The following SLC39A10 variants were observed in gnomAD, a reference collection of about 807,000 sequenced individuals.
SLC39A10 encodes the protein zinc transporter ZIP10.
A neutral mutation model predicts 65.1 loss-of-function variants in SLC39A10; 13 were observed. The observed-to-expected ratio is 0.20, with a 90% confidence interval of 0.13 to 0.32. SLC39A10 has a LOEUF of 0.32. Among genes scored for constraint, SLC39A10 ranks in the 10% least tolerant of loss-of-function variants. The pLI is 1.00. For missense variants in SLC39A10, 831 were observed against 1,018.4 expected (o/e 0.82, Z 2.50); for synonymous variants, 321 against 342.2 (o/e 0.94, Z 0.68).
intron 3 of SLC39A10, among the ~76,000 whole-genome samples, chr2:195,694,939 T>C (rs892443009): frequency 6.6e-6 from 1 of 152,092 alleles, no homozygotes; most frequent in African/African-American, 2.4e-5. Context: ...CAGCAGGGTT[T>C]TACTGAGTGA....
At chr2:195,701,875 T>G (rs1421218244) in intron 3 of SLC39A10, among the ~76,000 whole-genome samples, 1 of 151,832 alleles carries the variant, frequency 6.6e-6, no homozygotes, top group Non-Finnish European at 1.5e-5. Flanking sequence ...AGAGATGGGT[T>G]TTTGTCATGT....
intron 9 of SLC39A10, among the ~76,000 whole-genome samples, chr2:195,733,638 C>G (rs1472070663): frequency 2.0e-5 from 3 of 152,044 alleles, no homozygotes; most frequent in African/African-American, 7.2e-5. Context: ...TCAAGCAGTT[C>G]TCCTGCCTCA....
intron 2 of SLC39A10, among the ~76,000 whole-genome samples, chr2:195,616,838 C>T (rs958015709): frequency 1.6e-4 from 25 of 152,110 alleles, no homozygotes; most frequent in East Asian, 1.9e-4. Context: ...CTCCTGACCT[C>T]GTGATCCGCC....
chr2:195,671,548 A>T (rs950496759), intron 1 of SLC39A10: 1 of 152,228 alleles, frequency 6.6e-6, no homozygotes, highest in Non-Finnish European at 1.5e-5. Flanking sequence ...CACAAGAGAC[A>T]TAATAGAATA....
intron 1 of SLC39A10, among the ~76,000 whole-genome samples, chr2:195,679,338 G>C (rs576176074): frequency 6.6e-6 from 1 of 152,234 alleles, no homozygotes; most frequent in Non-Finnish European, 1.5e-5. Context: ...CATCCTTTCC[G>C]GTTTTTAGCT....
At chr2:195,624,340 TCG>T (rs1688415256) in intron 2 of SLC39A10, among the ~76,000 whole-genome samples, 2 of 138,192 alleles carry the variant, frequency 1.4e-5, no homozygotes, top group Non-Finnish European at 3.0e-5. Context: ...TGAGCCGAAA[TCG>T]TGCCACTGCA....
chr2:195,699,646 T>G (rs1480184532), intron 3 of SLC39A10, among the ~76,000 whole-genome samples: 12 of 152,120 alleles, frequency 7.9e-5, no homozygotes. Flanking sequence ...AGAAGACACT[T>G]TGTATTATAT....
chr2:195,645,305 C>G (rs1688892382), intron 2 of SLC39A10, among the ~76,000 whole-genome samples: 1 of 151,986 alleles, frequency 6.6e-6, no homozygotes, highest in African/African-American at 2.4e-5. Context: ...TTTTGGTAAT[C>G]TCAAAACTGT....
chr2:195,665,690 G>T (rs1174963366), intron 1 of SLC39A10, among the ~76,000 whole-genome samples: 3 of 151,944 alleles, frequency 2.0e-5, no homozygotes, highest in Non-Finnish European at 4.4e-5. Flanking sequence ...TCCCCTGTCT[G>T]TTCCTTTCAT....
At chr2:195,657,451 A>G in intron 1 of SLC39A10, 170 bp downstream of exon 1, 1 of 985,954 alleles carries the variant, frequency 1.0e-6, no homozygotes, top group Non-Finnish European at 1.2e-6. Context: ...CAGCTGCTGC[A>G]GTCGGCGGCG....
intron 2 of SLC39A10, among the ~76,000 whole-genome samples, chr2:195,619,124 G>GAGAA (rs1688293537): frequency 6.7e-6 from 1 of 149,264 alleles, no homozygotes; most frequent in Non-Finnish European, 1.5e-5. Flanking sequence ...AAGAGAGAGA[G>GAGAA]AGAAAGGAAA....
intron 2 of SLC39A10, among the ~76,000 whole-genome samples, chr2:195,627,483 G>A (rs1688497027): frequency 6.6e-6 from 1 of 152,090 alleles, no homozygotes; most frequent in South Asian, 2.1e-4. Context: ...ACTCCCTAAA[G>A]GCAATTATTT....
At chr2:195,662,587 T>C (rs1177080239) in intron 1 of SLC39A10, among the ~76,000 whole-genome samples, 3 of 152,210 alleles carry the variant, frequency 2.0e-5, no homozygotes, top group Non-Finnish European at 4.4e-5. Flanking sequence ...GCTATTACTT[T>C]AATATCTATA....
At chr2:195,673,176 C>G (rs1424152807) in intron 1 of SLC39A10, among the ~76,000 whole-genome samples, 1 of 152,058 alleles carries the variant, frequency 6.6e-6, no homozygotes, top group Non-Finnish European at 1.5e-5. Context: ...GTTGACTAAA[C>G]TATTATTTAT....
chr2:195,613,396 G>A, intron 2 of SLC39A10, among the ~76,000 whole-genome samples: 1 of 152,060 alleles, frequency 6.6e-6, no homozygotes. Flanking sequence ...AAAAACAAAT[G>A]TGAACTTTTT....
chr2:195,681,386 C>T (rs1366206290), intron 2 of SLC39A10, among the ~76,000 whole-genome samples: 2 of 151,976 alleles, frequency 1.3e-5, no homozygotes, highest in African/African-American at 2.4e-5. Flanking sequence ...ATTAGCGGGG[C>T]ATGGTGGCGG....
intron 3 of SLC39A10, among the ~76,000 whole-genome samples, chr2:195,690,146 A>G (rs1364980625): frequency 7.2e-6 from 1 of 138,218 alleles, no homozygotes; most frequent in Non-Finnish European, 1.5e-5. Context: ...ACTGCACTCC[A>G]GACTGGGCAA....
At chr2:195,730,227 T>C (rs2118840) in intron 9 of SLC39A10, among the ~76,000 whole-genome samples, 78,210 of 151,888 alleles carry the variant, frequency 0.51, 20,872 homozygotes, top group Non-Finnish European at 0.6. Flanking sequence ...CTAAGTCTGC[T>C]AGTCATTTTC....
At chr2:195,657,717 C>G in intron 1 of SLC39A10, 1 of 833,984 alleles carries the variant, frequency 1.2e-6, no homozygotes, top group Non-Finnish European at 1.4e-6. Context: ...CAGGCGCGGG[C>G]GGGCGAGGCT....
Sources: allele counts gnomAD v4.1 joint callset (sites outside exome capture counted in the v4.1 genomes callset), GRCh38; gene constraint gnomAD v4.1.1; transcripts MANE v1.5; gene names NCBI Gene and HGNC (gene_info 2026-07-23, HGNC 2026-07-21).